The following SAMD5 variants were observed in gnomAD, a reference collection of about 807,000 sequenced individuals.
SAMD5 encodes the protein sterile alpha motif domain containing 5.
SAMD5 carries 13 observed loss-of-function variants against 11.3 expected under a neutral mutation model. The ratio of observed to expected loss-of-function variants is 1.15; its 90% confidence interval spans 0.75 to 1.83. The LOEUF is 1.83. SAMD5 is among the 40% of genes most tolerant of loss of function. The probability of loss-of-function intolerance (pLI) is 0.00; values close to 1 mark genes in which losing one functional copy is unlikely to be tolerated. For missense variants in SAMD5, 255 were observed against 239.1 expected (o/e 1.07, Z -0.44); for synonymous variants, 129 against 111.3 (o/e 1.16, Z -1.00).
chr6:147,559,567 G>A (rs561524058), intron 1 of SAMD5, among the ~76,000 whole-genome samples: 2 of 152,164 alleles, frequency 1.3e-5, no homozygotes, highest in Non-Finnish European at 2.9e-5. Flanking sequence ...AAGAGGCAGC[G>A]AGAAGCCCTG....
the SAMD5 span, among the ~76,000 whole-genome samples, chr6:147,855,874 T>C: frequency 1.1e-3 from 173 of 152,292 alleles, no homozygotes; most frequent in South Asian, 3.3e-3. Context: ...GCAGTTTCTT[T>C]AAAAACTTAA....
intron 1 of SAMD5, among the ~76,000 whole-genome samples, chr6:147,587,197 C>G (rs1447069920): frequency 6.6e-6 from 1 of 152,034 alleles, no homozygotes; most frequent in African/African-American, 2.4e-5. Context: ...AATTGTAATT[C>G]CTGCTAAAAA....
At chr6:147,577,590 T>C (rs537657122) in intron 1 of SAMD5, among the ~76,000 whole-genome samples, 1 of 152,294 alleles carries the variant, frequency 6.6e-6, no homozygotes, top group South Asian at 2.1e-4. Flanking sequence ...TTTATTTTTC[T>C]ATGCTTTAAT....
chr6:147,633,396 C>T (rs1790180527), intron 1 of SAMD5, among the ~76,000 whole-genome samples: 2 of 152,108 alleles, frequency 1.3e-5, no homozygotes, highest in Admixed American at 1.3e-4. Context: ...CTTCTGTCGC[C>T]AGCGGGGGAA....
intron 1 of SAMD5, among the ~76,000 whole-genome samples, chr6:147,598,097 C>CT (rs113610332): frequency 4.0e-4 from 59 of 146,796 alleles, no homozygotes; most frequent in East Asian, 5.9e-4. Flanking sequence ...TTTTTCTTTT[C>CT]TTTTTTTTTT....
At chr6:147,918,922 G>A in the SAMD5 span, among the ~76,000 whole-genome samples, 1 of 152,088 alleles carries the variant, frequency 6.6e-6, no homozygotes, top group African/African-American at 2.4e-5. Context: ...AGCCAGGATG[G>A]TCTCAATCTC....
the SAMD5 span, among the ~76,000 whole-genome samples, chr6:147,793,483 G>C: frequency 4.0e-3 from 609 of 152,200 alleles, 4 homozygotes; most frequent in African/African-American, 0.014. Flanking sequence ...TATGAATAAA[G>C]TATAGACTTT....
the SAMD5 span, among the ~76,000 whole-genome samples, chr6:147,790,554 G>A: frequency 6.6e-6 from 1 of 152,178 alleles, no homozygotes. Context: ...AATTTTAGGT[G>A]TCAATTTGAC....
chr6:147,699,505 A>G (rs966902691), intron 1 of SAMD5, among the ~76,000 whole-genome samples: 1 of 152,196 alleles, frequency 6.6e-6, no homozygotes, highest in Admixed American at 6.5e-5. Context: ...TAATCATACA[A>G]GCAGTGAACT....
At chr6:147,752,138 G>T in the SAMD5 span, among the ~76,000 whole-genome samples, 1 of 152,208 alleles carries the variant, frequency 6.6e-6, no homozygotes, top group South Asian at 2.1e-4. Flanking sequence ...TATCTCTATG[G>T]TAAAATGGAA....
rs374975333 is a variant in SAMD5, at chr6:147,564,466, T to C, written c.*10T>C. 8.9e-6 allele frequency: 7 copies of C among 786,628 alleles called. No individual in the cohort carries two copies. Among genetic ancestry groups the C allele is most frequent in the African/African-American group, 5.1e-5 (3 of 59,190 alleles). The allele number at this position is 786,628 out of a possible 1,614,324, so 48.7% of individuals were successfully genotyped here. ...ATCACAGAGCCGCTAGATATCATTTTTGAGACCTCGTGGAGGACTGATGAG... is the reference window on the plus strand; with the variant it reads ...ATCACAGAGCCGCTAGATATCATTTCTGAGACCTCGTGGAGGACTGATGAG... On this transcript the variant is annotated 3_prime_UTR_variant, in exon 2 of 2. Transcript: ENST00000367474.
At chr6:147,928,070 G>T in the SAMD5 span, among the ~76,000 whole-genome samples, 1 of 152,196 alleles carries the variant, frequency 6.6e-6, no homozygotes, top group Non-Finnish European at 1.5e-5. Flanking sequence ...CAATTTACAA[G>T]TATTTTGTTG....
At chr6:147,617,715 G>A (rs899208730) in intron 1 of SAMD5, among the ~76,000 whole-genome samples, 6 of 152,282 alleles carry the variant, frequency 3.9e-5, no homozygotes, top group East Asian at 3.9e-4. Context: ...CTGGGAATGC[G>A]CACAGGGCTA....
At chr6:147,926,113 G>A in the SAMD5 span, among the ~76,000 whole-genome samples, 1 of 152,140 alleles carries the variant, frequency 6.6e-6, no homozygotes, top group African/African-American at 2.4e-5. Context: ...TTGATTCCAT[G>A]TTTTTGCTAT....
the SAMD5 span, among the ~76,000 whole-genome samples, chr6:147,905,032 G>A: frequency 6.6e-6 from 1 of 151,934 alleles, no homozygotes; most frequent in Non-Finnish European, 1.5e-5. Flanking sequence ...AGGATTACAG[G>A]CATGCGCCAC....
At chr6:147,515,560 C>T (rs1211305655) in intron 1 of SAMD5, among the ~76,000 whole-genome samples, 1 of 152,040 alleles carries the variant, frequency 6.6e-6, no homozygotes, top group Non-Finnish European at 1.5e-5. Context: ...ACCCATCCAT[C>T]TCTCCATTCA....
At chr6:147,789,694 G>A in the SAMD5 span, among the ~76,000 whole-genome samples, 2 of 152,104 alleles carry the variant, frequency 1.3e-5, no homozygotes, top group Non-Finnish European at 2.9e-5. Flanking sequence ...CACCCAGGAC[G>A]CCATATTGTG....
At chr6:147,581,524 A>G (rs1461184892) in intron 1 of SAMD5, among the ~76,000 whole-genome samples, 1 of 152,178 alleles carries the variant, frequency 6.6e-6, no homozygotes, top group East Asian at 1.9e-4. Flanking sequence ...AGGAACAGGA[A>G]GGAGCTTTGA....
chr6:147,647,250 T>A (rs2128453003), intron 1 of SAMD5, among the ~76,000 whole-genome samples: 1 of 152,264 alleles, frequency 6.6e-6, no homozygotes, highest in Admixed American at 6.5e-5. Context: ...CTTTATTCTG[T>A]CATCTTCATG....
Sources: allele counts gnomAD v4.1 joint callset (sites outside exome capture counted in the v4.1 genomes callset), GRCh38; gene constraint gnomAD v4.1.1; transcripts MANE v1.5; gene names NCBI Gene and HGNC (gene_info 2026-07-23, HGNC 2026-07-21).